The following JMJD1C variants were observed in gnomAD, a reference collection of about 807,000 sequenced individuals.
The protein encoded by JMJD1C is jumonji domain containing 1C, also known as jumonji domain-containing protein 1C.
A neutral mutation model predicts 245.3 loss-of-function variants in JMJD1C; 31 were observed. That is an observed-to-expected ratio of 0.13 (90% CI 0.09 to 0.17). The LOEUF is 0.17. JMJD1C is among the 10% of genes least tolerant of loss of function. JMJD1C has a pLI of 1.00. For synonymous variants in JMJD1C, 1,057 were observed against 1,017.4 expected (o/e 1.04, Z -0.74); for missense variants, 2,691 against 3,000.2 (o/e 0.90, Z 2.41).
chr10:63,207,450 T>C lies in JMJD1C; in HGVS notation c.4219A>G (p.Ser1407Gly). 1.2e-6 allele frequency: 2 copies of C among 1,614,224 alleles called. No individual in the cohort carries two copies. The highest frequency in any genetic ancestry group is 1.1e-5 in the South Asian group (1 of 91,084). Residue 1407 changes from serine (S) to glycine (G), a missense_variant, in exon 10 of 26, where the codon AGT becomes GGT. Transcript: ENST00000399262. ...DVITSAADTT[S>G]VSSWGGSEVI... ...TCTGAACCACCCCAGCTGGAAACAC[T>C]GGTAGTATCGGCAGCAGATGTGATT...
chr10:63,432,846 C>T (rs937333443), intron 1 of JMJD1C, among the ~76,000 whole-genome samples: 7 of 152,006 alleles, frequency 4.6e-5, no homozygotes, highest in African/African-American at 7.3e-5. Flanking sequence ...AGAAATTCAC[C>T]GACTGAATAC....
At chr10:63,477,996 T>C (rs1310033822) in intron 1 of JMJD1C, among the ~76,000 whole-genome samples, 2 of 152,188 alleles carry the variant, frequency 1.3e-5, no homozygotes, top group Non-Finnish European at 2.9e-5. Flanking sequence ...TCATTAATTA[T>C]CAGGGAAATG....
intron 24 of JMJD1C, among the ~76,000 whole-genome samples, chr10:63,174,920 G>A (rs1330824160): frequency 6.6e-6 from 1 of 151,712 alleles, no homozygotes; most frequent in African/African-American, 2.4e-5. Context: ...TTTTGATTAT[G>A]TTGTTACCTA....
intron 1 of JMJD1C, among the ~76,000 whole-genome samples, chr10:63,412,910 T>C (rs1334861827): frequency 6.6e-6 from 1 of 152,214 alleles, no homozygotes; most frequent in African/African-American, 2.4e-5. Flanking sequence ...TGCATATAAA[T>C]TGACTCTCAA....
chr10:63,200,587 C>A lies in JMJD1C; in HGVS notation c.5165G>T (p.Cys1722Phe). Reference protein sequence around the residue: ...GESFLQDDSCCEIGPNLQKCR... With the variant: ...GESFLQDDSCFEIGPNLQKCR... ...CTTTTGTAAATTAGGCCCTATCTCA[C>A]AGCAGGAGTCATCCTGTAAAAAGGA... is the stretch of plus-strand genomic sequence containing the variant. Residue 1722 changes from cysteine to phenylalanine, a missense_variant, in exon 11 of 26, where the codon TGT becomes TTT. Transcript: ENST00000399262. The A allele has an allele frequency of 6.2e-7, 1 of 1,613,966 alleles. No individual in the cohort carries two copies. The highest frequency in any genetic ancestry group is 2.2e-5 in the East Asian group (1 of 44,860).
chr10:63,284,132 T>C (rs1857709156), intron 2 of JMJD1C, among the ~76,000 whole-genome samples: 1 of 152,052 alleles, frequency 6.6e-6, no homozygotes, highest in African/African-American at 2.4e-5. Context: ...TTCAAGCTAT[T>C]CTCTTGCCTC....
intron 21 of JMJD1C, among the ~76,000 whole-genome samples, chr10:63,184,239 A>ATTTT (rs34600901): frequency 7.6e-6 from 1 of 131,392 alleles, no homozygotes; most frequent in East Asian, 2.2e-4. Flanking sequence ...TTGAACAGAA[A>ATTTT]TTTTTTTTTT....
At chr10:63,350,775 C>T (rs995184611) in intron 2 of JMJD1C, among the ~76,000 whole-genome samples, 6 of 152,066 alleles carry the variant, frequency 3.9e-5, no homozygotes, top group Non-Finnish European at 7.4e-5. Context: ...CGCCACCGTG[C>T]CCAGCTAATT....
chr10:63,310,449 T>C (rs1013628911), intron 2 of JMJD1C, among the ~76,000 whole-genome samples: 2 of 152,124 alleles, frequency 1.3e-5, no homozygotes, highest in Non-Finnish European at 2.9e-5. Flanking sequence ...GTGGTACAGA[T>C]TAAATGAATC....
At chr10:63,314,128 T>C (rs1040612225) in intron 2 of JMJD1C, among the ~76,000 whole-genome samples, 1 of 152,236 alleles carries the variant, frequency 6.6e-6, no homozygotes, top group Non-Finnish European at 1.5e-5. Context: ...AGTTTCATTC[T>C]TCTACATGTG....
At chr10:63,454,174 T>C (rs1952251753) in intron 1 of JMJD1C, among the ~76,000 whole-genome samples, 1 of 152,232 alleles carries the variant, frequency 6.6e-6, no homozygotes, top group South Asian at 2.1e-4. Flanking sequence ...TTTCTATATT[T>C]GTACTATCTG....
chr10:63,357,336 C>T (rs1944931098), intron 2 of JMJD1C, among the ~76,000 whole-genome samples: 1 of 151,214 alleles, frequency 6.6e-6, no homozygotes, highest in Non-Finnish European at 1.5e-5. Context: ...GACAGAGTCT[C>T]GCTCTGTTGC....
At chr10:63,253,905 A>G (rs1853466583) in intron 3 of JMJD1C, among the ~76,000 whole-genome samples, 1 of 151,932 alleles carries the variant, frequency 6.6e-6, no homozygotes, top group African/African-American at 2.4e-5. Context: ...TTGTTTTTCT[A>G]TGTGTGTTTC....
At chr10:63,473,631 T>C (rs983805875) in intron 1 of JMJD1C, among the ~76,000 whole-genome samples, 4 of 152,216 alleles carry the variant, frequency 2.6e-5, no homozygotes, top group Non-Finnish European at 4.4e-5. Flanking sequence ...ACTTTTACTT[T>C]TCCTCAAGAT....
intron 13 of JMJD1C, among the ~76,000 whole-genome samples, chr10:63,196,591 A>G (rs555340833): frequency 1.3e-5 from 2 of 152,286 alleles, no homozygotes; most frequent in South Asian, 2.1e-4. Flanking sequence ...TACCTGATAC[A>G]CTACTCTGAA....
At chr10:63,279,221 G>A (rs1564726862) in intron 2 of JMJD1C, among the ~76,000 whole-genome samples, 1 of 152,168 alleles carries the variant, frequency 6.6e-6, no homozygotes, top group Non-Finnish European at 1.5e-5. Context: ...TTGCACTCCA[G>A]CCTGGGCAAA....
At chr10:63,185,113 A>C (rs1843973312) in intron 20 of JMJD1C, among the ~76,000 whole-genome samples, 1 of 151,850 alleles carries the variant, frequency 6.6e-6, no homozygotes, top group Admixed American at 6.6e-5. Context: ...CCCACTGCTG[A>C]GGCTACCAAC....
intron 1 of JMJD1C, among the ~76,000 whole-genome samples, chr10:63,490,566 C>A (rs1184582344): frequency 6.6e-6 from 1 of 152,000 alleles, no homozygotes; most frequent in Non-Finnish European, 1.5e-5. Context: ...CAGATACGCG[C>A]CACCATGCCC....
At chr10:63,486,807 T>C (rs1258502941) in intron 1 of JMJD1C, among the ~76,000 whole-genome samples, 1 of 152,178 alleles carries the variant, frequency 6.6e-6, no homozygotes, top group Non-Finnish European at 1.5e-5. Context: ...CTCTGAGCAC[T>C]TTACATAAAA....
Sources: gnomAD v4.1 joint callset for allele counts (sites outside exome capture counted in the v4.1 genomes callset) on GRCh38, gnomAD v4.1.1 for gene constraint, MANE v1.5 for transcripts, NCBI Gene and HGNC (gene_info 2026-07-23, HGNC 2026-07-21) for gene names.